Variants in TLN2 observed in about 807,000 individuals in gnomAD.
TLN2 encodes talin-2.
Under a neutral mutation model 294.7 loss-of-function variants are expected in TLN2, and 118 were observed. The observed-to-expected ratio is 0.40, with a 90% CI of 0.34 to 0.47. The LOEUF (loss-of-function observed/expected upper bound fraction) is 0.47. TLN2 is among the 20% of genes least tolerant of loss of function. The probability of loss-of-function intolerance (pLI) is 0.84; values close to 1 mark genes in which losing one functional copy is unlikely to be tolerated. For synonymous variants in TLN2, 1,431 were observed against 1,304.5 expected (o/e 1.10, Z -2.09); for missense variants, 3,083 against 3,282.2 (o/e 0.94, Z 1.48).
chr15:62,808,346 A>G (rs889171327), intron 51 of TLN2, among the ~76,000 whole-genome samples: 1 of 152,166 alleles, frequency 6.6e-6, no homozygotes, highest in African/African-American at 2.4e-5. Context: ...CCCTTAATGA[A>G]TATTATCTTC....
At chr15:62,746,154 G>GTT (rs11393193) in intron 32 of TLN2, among the ~76,000 whole-genome samples, 2 of 151,868 alleles carry the variant, frequency 1.3e-5, no homozygotes, top group East Asian at 3.9e-4. Flanking sequence ...TAGCAACAAG[G>GTT]TTTTTTAAAA....
chr15:62,725,041 T>G lies in TLN2; in HGVS notation c.3192T>G (p.Asn1064Lys), dbSNP rs927658257. ...TGAATACGGTGCAGACGCTTAAGAA[T>G]GAACTGCAGGATGCCAAGATGGCAG... Reference protein sequence around the residue: ...SALNTVQTLKNELQDAKMAAV... With the variant: ...SALNTVQTLKKELQDAKMAAV... The change falls in exon 27 of 59, where the codon AAT becomes AAG. Residue 1064 changes from asparagine to lysine, a missense_variant. Physicochemically the swap from Asn to Lys is moderately conservative, Grantham distance 94 (BLOSUM62 0). Transcript: ENST00000636159. 1.9e-6 allele frequency: 3 copies of G among 1,613,368 alleles called. No homozygotes were observed. In the African/African-American group the frequency reaches 4.0e-5, roughly 22 times the overall value.
chr15:62,493,919 C>T (rs2038882539), intron 1 of TLN2, among the ~76,000 whole-genome samples: 1 of 152,092 alleles, frequency 6.6e-6, no homozygotes, highest in Non-Finnish European at 1.5e-5. Context: ...CCGAGGTTGC[C>T]TCTTAGGTAA....
At chr15:62,650,690 T>C (rs1254625428) in intron 5 of TLN2, among the ~76,000 whole-genome samples, 1 of 152,186 alleles carries the variant, frequency 6.6e-6, no homozygotes, top group African/African-American at 2.4e-5. Context: ...TAAAAACATA[T>C]TAAACATTTT....
intron 55 of TLN2, 128 bp downstream of exon 55, chr15:62,833,757 C>CA: frequency 2.9e-6 from 4 of 1,362,138 alleles, no homozygotes; most frequent in Non-Finnish European, 3.9e-6. Context: ...CCTGAATTGC[C>CA]ACTCTCTGTG....
At chr15:62,567,086 TC>T (rs2043465818) in intron 1 of TLN2, among the ~76,000 whole-genome samples, 1 of 152,238 alleles carries the variant, frequency 6.6e-6, no homozygotes, top group South Asian at 2.1e-4. Flanking sequence ...TCTGTTTTTT[TC>T]CCACTTATTA....
intron 42 of TLN2, among the ~76,000 whole-genome samples, chr15:62,775,403 TA>T (rs1380514124): frequency 2.0e-5 from 3 of 152,230 alleles, no homozygotes; most frequent in African/African-American, 4.8e-5. Flanking sequence ...TTTTGTGTTT[TA>T]CCATGTCTGT....
At chr15:62,485,724 C>T (rs2038353551) in intron 1 of TLN2, among the ~76,000 whole-genome samples, 1 of 152,168 alleles carries the variant, frequency 6.6e-6, no homozygotes, top group African/African-American at 2.4e-5. Context: ...TTGAAACTTG[C>T]CTCCATTCTG....
At chr15:62,491,397 T>C (rs990193807) in intron 1 of TLN2, among the ~76,000 whole-genome samples, 81 of 114,132 alleles carry the variant, frequency 7.1e-4, no homozygotes, top group Middle Eastern at 7.9e-3. Context: ...CACACACACA[T>C]TTATATAAGA....
intron 2 of TLN2, among the ~76,000 whole-genome samples, chr15:62,601,791 G>T (rs1306704465): frequency 6.6e-6 from 1 of 152,154 alleles, no homozygotes; most frequent in Non-Finnish European, 1.5e-5. Flanking sequence ...TTTCAAGGCA[G>T]CAGCGTCCAA....
intron 1 of TLN2, among the ~76,000 whole-genome samples, chr15:62,469,945 GGT>G (rs1344008626): frequency 2.0e-5 from 3 of 151,502 alleles, no homozygotes; most frequent in African/African-American, 7.3e-5. Context: ...TTTGTGTGGG[GGT>G]GTGTGTGTGA....
Position 62,796,216 on chromosome 15 carries a change from C to T in TLN2, c.5973C>T (p.Ala1991=), listed in dbSNP as rs373131455. The change falls in exon 47 of 59, where the codon GCC becomes GCT. Residue 1991 remains alanine, a synonymous_variant. Transcript: ENST00000636159. The stretch of plus-strand genomic sequence containing the variant: ...CCACCGCTGTGTCTGGGATCATTGC[C>T]GACCTGGACACCACCATTATGTTTG... ...TAATAVSGII[A]DLDTTIMFAT... 38 of 1,614,082 alleles carry T rather than the reference C, an allele frequency of 2.4e-5. No individual in the cohort carries two copies. Among genetic ancestry groups the T allele is most frequent in the South Asian group, 4.4e-5 (4 of 91,080 alleles).
intron 42 of TLN2, among the ~76,000 whole-genome samples, chr15:62,776,185 T>C (rs569921332): frequency 6.6e-6 from 1 of 152,248 alleles, no homozygotes; most frequent in South Asian, 2.1e-4. Flanking sequence ...CTTCCTAATA[T>C]GGTCTAAGGA....
At chr15:62,687,590 G>A (rs2057389504) in intron 12 of TLN2, among the ~76,000 whole-genome samples, 1 of 152,170 alleles carries the variant, frequency 6.6e-6, no homozygotes, top group Non-Finnish European at 1.5e-5. Flanking sequence ...GGTAGGGCAA[G>A]ATGTGCAATA....
At chr15:62,556,183 A>G (rs1436656094) in intron 1 of TLN2, among the ~76,000 whole-genome samples, 2 of 151,376 alleles carry the variant, frequency 1.3e-5, no homozygotes, top group Non-Finnish European at 2.9e-5. Context: ...TTTGGCATAT[A>G]TATGGGTAGG....
At position 62,697,683 on chromosome 15, in the gene TLN2, G is replaced by A. The variant is rs1796708732; in HGVS notation, c.1293-5G>A. On this transcript the variant is annotated splice_polypyrimidine_tract_variant and splice_region_variant and intron_variant, in intron 14 of 58. Coordinates refer to ENST00000636159, the MANE Select transcript of TLN2 (RefSeq NM_015059.3). ...TCTCAGTGACCAAACCACTTTTCCC[G>A]GCAGGTCCACCATCTTGCAGCAGCA... 4 of 1,589,932 alleles carry A rather than the reference G, an allele frequency of 2.5e-6. No homozygotes were observed. Among genetic ancestry groups the A allele is most frequent in the African/African-American group, 1.3e-5 (1 of 74,386 alleles).
At chr15:62,517,240 TTTAC>T (rs1330160079) in intron 1 of TLN2, among the ~76,000 whole-genome samples, 1 of 152,200 alleles carries the variant, frequency 6.6e-6, no homozygotes, top group African/African-American at 2.4e-5. Flanking sequence ...TTGTCCAGTC[TTTAC>T]TACTCCTTAG....
rs139635022 is a variant in TLN2, at chr15:62,514,488, T to C, written c.-237-75199T>C. ...CCTGTTTTAGGCAGATGAGCTTGTT[T>C]GATTAAGAGTGGTAATTAATTCACA... On this transcript the variant is annotated intron_variant, in intron 1 of 58. Coordinates refer to ENST00000636159, the MANE Select transcript of TLN2 (RefSeq NM_015059.3). Among the ~76,000 whole-genome samples, 289 of 152,344 alleles carry C rather than the reference T, an allele frequency of 1.9e-3. 1 individual carries two copies. Among genetic ancestry groups the C allele is most frequent in the Non-Finnish European group, 3.3e-3 (224 of 68,026 alleles).
At position 62,797,307 on chromosome 15, in the gene TLN2, C is replaced by G. The variant is rs2065561805; in HGVS notation, c.6139C>G (p.Gln2047Glu). 6.2e-7 allele frequency: 1 copy of G among 1,613,684 alleles called. No homozygotes were observed. Among genetic ancestry groups the G allele is most frequent in the African/African-American group, 1.3e-5 (1 of 74,894 alleles). Residue 2047 changes from glutamine to glutamate, a missense_variant, in exon 48 of 59, where the codon CAG becomes GAG. Coordinates refer to ENST00000636159, the MANE Select transcript of TLN2 (RefSeq NM_015059.3). ...GAASTPDKLA[Q>E]AAQSSAATIT... Reference sequence around the variant, plus strand: ...TGCGTCCACTCCTGACAAGCTGGCCCAGGCGGCCCAGTCCTCAGCAGCCAC... The same window carrying G: ...TGCGTCCACTCCTGACAAGCTGGCCGAGGCGGCCCAGTCCTCAGCAGCCAC...
Sources: gnomAD v4.1 joint callset for allele counts (sites outside exome capture counted in the v4.1 genomes callset) on GRCh38, gnomAD v4.1.1 for gene constraint, MANE v1.5 for transcripts, NCBI Gene and HGNC (gene_info 2026-07-23, HGNC 2026-07-21) for gene names.